DNER: variants seen among roughly 807,000 people sequenced by gnomAD.
DNER encodes delta and Notch-like epidermal growth factor-related receptor.
Under a neutral mutation model 78.2 loss-of-function variants are expected in DNER, and 33 were observed. That is an observed-to-expected ratio of 0.42 (90% CI 0.32 to 0.56). DNER has a LOEUF of 0.56. DNER is among the 20% of genes least tolerant of loss of function. The pLI is 0.11. For synonymous variants in DNER, 417 were observed against 384.8 expected (o/e 1.08, Z -0.98); for missense variants, 918 against 975.3 (o/e 0.94, Z 0.78).
At chr2:229,398,963 G>A (rs1033887381) in intron 10 of DNER, among the ~76,000 whole-genome samples, 2 of 151,916 alleles carry the variant, frequency 1.3e-5, no homozygotes, top group African/African-American at 4.8e-5. Context: ...CACTACAGCT[G>A]ACATTATCAT....
In DNER at chr2:229,434,307, T is replaced by C. The variant is rs1378757046; in HGVS notation, c.1486+13009A>G. Among the ~76,000 whole-genome samples, 3 of 152,178 alleles carry C rather than the reference T, an allele frequency of 2.0e-5. No individual in the cohort carries two copies. The East Asian group carries it at 5.8e-4, about 29-fold the overall frequency. On this transcript the variant is annotated intron_variant, in intron 8 of 12. Transcript: ENST00000341772. The stretch of plus-strand genomic sequence containing the variant: ...TCGAGTAAATATGCTAAATCCTAAA[T>C]ATTGTTAAACACCAGGGAAATTTCT...
chr2:229,703,437 A>T (rs947150732), intron 1 of DNER, among the ~76,000 whole-genome samples: 10 of 152,224 alleles, frequency 6.6e-5, no homozygotes, highest in Admixed American at 5.2e-4. Flanking sequence ...ACCTTAAATG[A>T]TACATGAGAA....
chr2:229,458,642 CAA>C (rs35248267), intron 7 of DNER, among the ~76,000 whole-genome samples: 3 of 147,618 alleles, frequency 2.0e-5, no homozygotes, highest in African/African-American at 7.4e-5. Flanking sequence ...AGGGTATATA[CAA>C]AAAAAAAACT....
chr2:229,447,721 A>C (rs1312829538), intron 7 of DNER, among the ~76,000 whole-genome samples, 181 bp from the exon 8 acceptor site: 2 of 152,198 alleles, frequency 1.3e-5, no homozygotes, highest in African/African-American at 4.8e-5. Flanking sequence ...AGGGTTAAAA[A>C]TATTAAGCCC....
rs917469481 is a variant in DNER at position 229,504,087 on chromosome 2, C to T, written c.1147+8696G>A. ...ATGTAACTGATCTGTGTTTGAAAAC[C>T]AGGAGATGGCCTGTGGTGACGTGTG... is the stretch of plus-strand genomic sequence containing the variant. On this transcript the variant is annotated intron_variant, in intron 6 of 12. Coordinates refer to ENST00000341772, the MANE Select transcript of DNER (RefSeq NM_139072.4). Among the ~76,000 whole-genome samples, 8 of 152,004 alleles carry T rather than the reference C, an allele frequency of 5.3e-5. No homozygotes were observed. In the South Asian group the frequency reaches 1.7e-3, roughly 32 times the overall value.
intron 1 of DNER, among the ~76,000 whole-genome samples, chr2:229,597,711 G>T (rs1400993255): frequency 2.6e-5 from 4 of 152,222 alleles, no homozygotes; most frequent in African/African-American, 9.6e-5. Context: ...ATGGTCTTCT[G>T]CTTACAGTGA....
chr2:229,622,802 T>C (rs901046097), intron 1 of DNER, among the ~76,000 whole-genome samples: 27 of 152,110 alleles, frequency 1.8e-4, no homozygotes, highest in Admixed American at 1.7e-3. Flanking sequence ...AGCCAAAGAA[T>C]GCCAAGAATT....
intron 4 of DNER, among the ~76,000 whole-genome samples, chr2:229,549,127 A>C (rs964404645): frequency 1.3e-5 from 2 of 152,192 alleles, no homozygotes; most frequent in Non-Finnish European, 2.9e-5. Flanking sequence ...AAAGTATACC[A>C]AGATGCATGG....
chr2:229,702,734 G>A (rs1233244006), intron 1 of DNER, among the ~76,000 whole-genome samples: 1 of 151,184 alleles, frequency 6.6e-6, no homozygotes, highest in Non-Finnish European at 1.5e-5. Context: ...TGGCTAACAC[G>A]GTGAAACCCC....
intron 5 of DNER, 61 bp from the exon 6 acceptor site, chr2:229,512,997 T>C (rs2154212312): frequency 6.5e-7 from 1 of 1,532,606 alleles, no homozygotes; most frequent in East Asian, 2.3e-5. Flanking sequence ...GTGCTTTGGC[T>C]GTGAGACTCA....
chr2:229,438,346 C>A (rs745665638), intron 8 of DNER, among the ~76,000 whole-genome samples: 7 of 152,174 alleles, frequency 4.6e-5, no homozygotes, highest in Non-Finnish European at 7.3e-5. Flanking sequence ...AGTCTGGAAT[C>A]TTGTTCTTGT....
intron 5 of DNER, among the ~76,000 whole-genome samples, chr2:229,516,604 T>C (rs1695976409): frequency 6.6e-6 from 1 of 151,968 alleles, no homozygotes; most frequent in Non-Finnish European, 1.5e-5. Context: ...CAGCTTGAAG[T>C]CAAATATGCC....
chr2:229,384,445 C>A (rs912671025), intron 11 of DNER, among the ~76,000 whole-genome samples: 1 of 152,028 alleles, frequency 6.6e-6, no homozygotes, highest in South Asian at 2.1e-4. Flanking sequence ...ACAAGAAAAA[C>A]CCTTCAAAAA....
chr2:229,657,542 G>A (rs1349878745), intron 1 of DNER, among the ~76,000 whole-genome samples: 1 of 152,130 alleles, frequency 6.6e-6, no homozygotes, highest in Non-Finnish European at 1.5e-5. Flanking sequence ...AGTAACAAAA[G>A]GAGAGTTGTT....
chr2:229,516,785 T>TA lies in DNER; in HGVS notation c.994-3850dup, dbSNP rs796603043. Among the ~76,000 whole-genome samples, 345 of 83,830 alleles carry TA rather than the reference T, an allele frequency of 4.1e-3. 1 individual carries two copies. The highest frequency in any genetic ancestry group is 7.6e-3 in the Middle Eastern group (1 of 132). The allele number at this position is 83,830 out of a possible 152,430, so 55.0% of individuals were successfully genotyped here. A position where few individuals can be genotyped will look rare whatever the true frequency, so the allele number is the denominator to read the frequency against. On this transcript the variant is annotated intron_variant, in intron 5 of 12. Coordinates refer to ENST00000341772, the MANE Select transcript of DNER (RefSeq NM_139072.4). ...GGGTAACAGAATGGGACGCTGTCTC[T>TA]AAAAAAAAAAAAAAAAAAAGAAAAG...
chr2:229,601,433 C>G (rs529311839), intron 1 of DNER, among the ~76,000 whole-genome samples: 1 of 152,166 alleles, frequency 6.6e-6, no homozygotes, highest in Non-Finnish European at 1.5e-5. Context: ...AATGCTCATT[C>G]GCTTTACTGA....
intron 8 of DNER, among the ~76,000 whole-genome samples, chr2:229,420,108 A>G (rs1335659858): frequency 3.3e-5 from 5 of 151,892 alleles, no homozygotes; most frequent in Non-Finnish European, 7.4e-5. Flanking sequence ...CTGTTTTTGC[A>G]AATAAAGTTT....
chr2:229,562,912 T>C (rs190352751), intron 4 of DNER, among the ~76,000 whole-genome samples: 36 of 151,764 alleles, frequency 2.4e-4, no homozygotes, highest in African/African-American at 8.7e-4. Context: ...AACTTCATCA[T>C]CATCCTTATC....
At chr2:229,560,020 G>T (rs769779350) in intron 4 of DNER, among the ~76,000 whole-genome samples, 15 of 152,182 alleles carry the variant, frequency 9.9e-5, no homozygotes, top group Non-Finnish European at 1.6e-4. Flanking sequence ...ATGCAAAGCT[G>T]AGGACAACCA....
Sources: allele counts gnomAD v4.1 joint callset (sites outside exome capture counted in the v4.1 genomes callset), GRCh38; gene constraint gnomAD v4.1.1; transcripts MANE v1.5; gene names NCBI Gene and HGNC (gene_info 2026-07-23, HGNC 2026-07-21).